The following USP38 variants were observed in gnomAD, a reference collection of about 807,000 sequenced individuals.
The protein encoded by USP38 is ubiquitin carboxyl-terminal hydrolase 38.
In USP38, 49 loss-of-function variants were observed where a neutral mutation model predicts 94.3. That is an observed-to-expected ratio of 0.52 (90% CI 0.41 to 0.66). USP38 has a LOEUF of 0.66. USP38 is among the 30% of genes least tolerant of loss of function. The pLI, the probability that USP38 is intolerant of heterozygous loss-of-function variation, is 0.00. For missense variants in USP38, 1,128 were observed against 1,229.4 expected (o/e 0.92, Z 1.23); for synonymous variants, 468 against 463.6 (o/e 1.01, Z -0.12).
Position 143,197,878 on chromosome 4 carries a change from C to CT in USP38, c.1005dup (p.His336SerfsTer5), listed in dbSNP as rs1731597077. The CT allele has an allele frequency of 6.2e-7, 1 of 1,613,834 alleles. No homozygotes were observed. Among genetic ancestry groups the CT allele is most frequent in the Non-Finnish European group, 8.5e-7 (1 of 1,179,912 alleles). Reference sequence around the variant, plus strand: ...AGACCTGGTGCTCTTGCAGTTCTTTCTCACATGCTGCTTAGCTTTCAGCAT... The same window carrying CT: ...AGACCTGGTGCTCTTGCAGTTCTTTCTTCACATGCTGCTTAGCTTTCAGCAT... On this transcript the variant is annotated frameshift_variant, in exon 4 of 10. Coordinates refer to ENST00000307017, the MANE Select transcript of USP38 (RefSeq NM_032557.6). LOFTEE classifies it high-confidence loss of function.
In USP38 at chr4:143,214,770, A is replaced by G; in HGVS notation, c.2794A>G (p.Ile932Val). 1.2e-6 allele frequency: 2 copies of G among 1,613,782 alleles called. No homozygotes were observed. The highest frequency in any genetic ancestry group is 1.7e-6 in the Non-Finnish European group (2 of 1,179,818). The change falls in exon 9 of 10, where the codon ATT (isoleucine) becomes GTT (valine). Residue 932 changes from isoleucine (I) to valine (V), a missense_variant. Coordinates refer to ENST00000307017, the MANE Select transcript of USP38 (RefSeq NM_032557.6). ...TACTTCATTTCAGTCAGTCCAGAAA[A>G]TTACGAGCAGGTTTCCAAAGGACAC... ...TFTSFQSVQK[I>V]TSRFPKDTAY...
intron 6 of USP38, among the ~76,000 whole-genome samples, chr4:143,207,348 A>T (rs1265987000): frequency 6.6e-6 from 1 of 151,932 alleles, no homozygotes; most frequent in Non-Finnish European, 1.5e-5. Flanking sequence ...GACCAGCCTG[A>T]CCAACATGGT....
In USP38 at chr4:143,214,372, C is replaced by T; in HGVS notation, c.2396C>T (p.Ser799Phe). 1 of 1,613,682 alleles carries T rather than the reference C, an allele frequency of 6.2e-7. No individual in the cohort carries two copies. The highest frequency in any genetic ancestry group is 8.5e-7 in the Non-Finnish European group (1 of 1,179,828). ...GAGTTGCCAGTTAAAAGAATTACTT[C>T]TTTCTCTTCATTGTCAGAAAGTTGG... ...VLELPVKRIT[S>F]FSSLSESWSV... Residue 799 changes from serine (S) to phenylalanine (F), a missense_variant, in exon 9 of 10, where the codon TCT (serine) becomes TTT (phenylalanine). Transcript: ENST00000307017.
chr4:143,201,659 G>A (rs560141638), intron 4 of USP38, among the ~76,000 whole-genome samples: 16 of 152,108 alleles, frequency 1.1e-4, no homozygotes, highest in African/African-American at 3.6e-4. Flanking sequence ...TTATGGGTCA[G>A]GTTGCTTTTC....
At chr4:143,195,201 G>A (rs1439233381) in intron 2 of USP38, among the ~76,000 whole-genome samples, 2 of 152,034 alleles carry the variant, frequency 1.3e-5, no homozygotes, top group Non-Finnish European at 2.9e-5. Context: ...GAGTAAATTT[G>A]CCTAATAAAT....
Position 143,214,855 on chromosome 4 carries a change from C to T in USP38, c.2879C>T (p.Pro960Leu). 2 of 1,613,520 alleles carry T rather than the reference C, an allele frequency of 1.2e-6. No homozygotes were observed. Among genetic ancestry groups the T allele is most frequent in the Non-Finnish European group, 1.7e-6 (2 of 1,179,682 alleles). ...ACTAATGGTTTAAGTGGTAATAACC[C>T]AACCAGTGGACTCTGGATAAATGGA... is the stretch of plus-strand genomic sequence containing the variant. ...HSTNGLSGNN[P>L]TSGLWINGDP... The change falls in exon 9 of 10, where the codon CCA (proline) becomes CTA (leucine). Residue 960 changes from proline to leucine, a missense_variant. Transcript: ENST00000307017.
rs1731178063 is a variant in USP38, at chr4:143,185,291, G to A, written c.-160G>A. The A allele has an allele frequency of 2.6e-6, 2 of 775,544 alleles. No individual in the cohort carries two copies. Among genetic ancestry groups the A allele is most frequent in the East Asian group, 5.5e-5 (2 of 36,524 alleles). 48.0% of individuals were successfully genotyped at this position (775,544 alleles called of 1,614,324 possible). ...CGCCCCGGCTTGGATGGGTCTCCCT[G>A]CGCCATAAATGTGGCTGCTGAGGCG... On this transcript the variant is annotated 5_prime_UTR_variant, in exon 1 of 10. Transcript: ENST00000307017.
At chr4:143,197,761 C>A in intron 3 of USP38, 62 bp from the exon 4 acceptor site, 2 of 1,137,860 alleles carry the variant, frequency 1.8e-6, no homozygotes, top group Non-Finnish European at 2.6e-6. Context: ...AGGAAAATAA[C>A]CACTGTTGGA....
chr4:143,202,149 A>G (rs1009151780), intron 4 of USP38, among the ~76,000 whole-genome samples: 1 of 152,210 alleles, frequency 6.6e-6, no homozygotes, highest in Non-Finnish European at 1.5e-5. Context: ...CGACAGAAGT[A>G]TAATTCATAT....
intron 9 of USP38, among the ~76,000 whole-genome samples, chr4:143,219,153 GGTTA>G (rs1372801461): frequency 1.3e-5 from 2 of 152,032 alleles, no homozygotes; most frequent in South Asian, 2.1e-4. Context: ...CTAACAGACT[GGTTA>G]GTTAAGCCAT....
rs1732127133 is a variant in USP38, at chr4:143,214,470, G to A, written c.2494G>A (p.Ala832Thr). ...KKLKPSGTDE[A>T]SCTKLVPYLL... ...ATTAAAGCCTTCAGGGACTGATGAA[G>A]CTTCCTGCACAAAATTGGTGCCCTA... The change falls in exon 9 of 10, where the codon GCT becomes ACT. Residue 832 changes from alanine (A) to threonine (T), a missense_variant. Ala to Thr is a moderately conservative substitution (Grantham distance 58). Transcript: ENST00000307017. 2 of 1,613,374 alleles carry A rather than the reference G, an allele frequency of 1.2e-6. No homozygotes were observed. The highest frequency in any genetic ancestry group is 1.3e-5 in the African/African-American group (1 of 74,898).
Position 143,222,716 on chromosome 4 carries a change from A to G in USP38, c.*2260A>G, listed in dbSNP as rs894929286. On this transcript the variant is annotated 3_prime_UTR_variant, in exon 10 of 10. Coordinates refer to ENST00000307017, the MANE Select transcript of USP38 (RefSeq NM_032557.6). Reference sequence around the variant, plus strand: ...TTTTACGTGATTTGTTGAATTCAACATATTTGGAACCAGAATAATCAGAAA... The same window carrying G: ...TTTTACGTGATTTGTTGAATTCAACGTATTTGGAACCAGAATAATCAGAAA... 3.9e-5 allele frequency: 6 copies of G among 152,130 alleles called. No individual in the cohort carries two copies. Among genetic ancestry groups the G allele is most frequent in the Non-Finnish European group, 8.8e-5 (6 of 67,984 alleles). The allele number at this position is 152,130 out of a possible 1,614,324, so 9.4% of individuals were successfully genotyped here.
chr4:143,220,026 T>C (rs1732282493), intron 9 of USP38, among the ~76,000 whole-genome samples: 1 of 152,158 alleles, frequency 6.6e-6, no homozygotes, highest in Non-Finnish European at 1.5e-5. Context: ...CCCCAATTGC[T>C]GGAGAATAGA....
intron 8 of USP38, 55 bp downstream of exon 8, chr4:143,212,479 T>G (rs2149611967): frequency 1.7e-6 from 2 of 1,183,852 alleles, no homozygotes; most frequent in South Asian, 1.5e-5. Context: ...AACAGTTTAA[T>G]TCTACTTAAT....
rs767474708 is a variant in USP38 at position 143,214,514 on chromosome 4, G to A, written c.2538G>A (p.Val846=). The change falls in exon 9 of 10, where the codon GTG becomes GTA. Residue 846 remains valine (V), a synonymous_variant. Transcript: ENST00000307017. ...KLVPYLLSSV[V]VHSGISSESG... ...TGCCCTATCTATTAAGTTCCGTTGT[G>A]GTTCACTCTGGTATATCCTCTGAAA... 1.2e-6 allele frequency: 2 copies of A among 1,613,392 alleles called. No individual in the cohort carries two copies. Among genetic ancestry groups the A allele is most frequent in the South Asian group, 1.1e-5 (1 of 91,032 alleles).
At position 143,185,297 on chromosome 4, in the gene USP38, TA is replaced by T; in HGVS notation, c.-151del. The T allele has an allele frequency of 2.4e-6, 2 of 820,448 alleles. No individual in the cohort carries two copies. Among genetic ancestry groups the T allele is most frequent in the Non-Finnish European group, 3.7e-6 (2 of 539,248 alleles). 50.8% of individuals were successfully genotyped at this position (820,448 alleles called of 1,614,324 possible). On this transcript the variant is annotated 5_prime_UTR_variant, in exon 1 of 10. The change creates a new upstream start codon in the 5' untranslated region. Coordinates refer to ENST00000307017, the MANE Select transcript of USP38 (RefSeq NM_032557.6). ...GGCTTGGATGGGTCTCCCTGCGCCA[TA>T]AATGTGGCTGCTGAGGCGGCGGTGG...
intron 7 of USP38, among the ~76,000 whole-genome samples, chr4:143,211,284 A>T (rs1451444876): frequency 6.6e-6 from 1 of 152,186 alleles, no homozygotes; most frequent in Non-Finnish European, 1.5e-5. Flanking sequence ...TTCCCATATA[A>T]TTGAAAAGTC....
At position 143,220,379 on chromosome 4, in the gene USP38, G is replaced by T. The variant is rs748416210; in HGVS notation, c.3052G>T (p.Asp1018Tyr). ...SFRPNGFDDN[D>Y]PPGSCGPTGG... The stretch of plus-strand genomic sequence containing the variant: ...TCGGCCCAATGGATTTGATGACAAC[G>T]ACCCACCAGGAAGCTGTGGACCAAC... Residue 1018 changes from aspartate (D) to tyrosine (Y), a missense_variant, in exon 10 of 10, where the codon GAC becomes TAC. By Grantham distance (160) the Asp-to-Tyr change is radical (BLOSUM62 -3). Coordinates refer to ENST00000307017, the MANE Select transcript of USP38 (RefSeq NM_032557.6). 1 of 1,613,430 alleles carries T rather than the reference G, an allele frequency of 6.2e-7. No homozygotes were observed. Among genetic ancestry groups the T allele is most frequent in the Non-Finnish European group, 8.5e-7 (1 of 1,179,638 alleles).
rs747356272 is a variant in USP38, at chr4:143,212,368, G to A, written c.1548G>A (p.Trp516Ter). ...RIFFEASRPP[W>*]FTPRSQQDCS... ...TCTTTGAGGCTTCCAGACCTCCATG[G>A]TTTACTCCCAGATCACAGCAAGACT... Residue 516 changes from tryptophan (W) to a stop codon, truncating the protein, a stop_gained, in exon 8 of 10, where the codon TGG becomes TGA. Transcript: ENST00000307017. LOFTEE classifies it high-confidence loss of function. 6.2e-7 allele frequency: 1 copy of A among 1,612,200 alleles called. No homozygotes were observed. Among genetic ancestry groups the A allele is most frequent in the Non-Finnish European group, 8.5e-7 (1 of 1,179,014 alleles).
Sources: allele counts gnomAD v4.1 joint callset (sites outside exome capture counted in the v4.1 genomes callset), GRCh38; gene constraint gnomAD v4.1.1; transcripts MANE v1.5; gene names NCBI Gene and HGNC (gene_info 2026-07-23, HGNC 2026-07-21).